Variants in BTBD7 observed in about 807,000 individuals in gnomAD.
BTBD7 encodes BTB domain containing 7, also known as BTB/POZ domain-containing protein 7.
BTBD7 carries 38 observed loss-of-function variants against 99.9 expected under a neutral mutation model. The observed-to-expected ratio is 0.38, with a 90% CI of 0.29 to 0.50. The LOEUF (loss-of-function observed/expected upper bound fraction) is 0.50. BTBD7 is among the 20% of genes least tolerant of loss of function. The probability of loss-of-function intolerance (pLI) is 0.93; values close to 1 mark genes in which losing one functional copy is unlikely to be tolerated. For missense variants in BTBD7, 1,170 were observed against 1,394.6 expected (o/e 0.84, Z 2.57); for synonymous variants, 520 against 511.4 (o/e 1.02, Z -0.23).
chr14:93,275,137 C>T (rs1163313998), intron 3 of BTBD7, among the ~76,000 whole-genome samples: 1 of 152,128 alleles, frequency 6.6e-6, no homozygotes, highest in Non-Finnish European at 1.5e-5. Flanking sequence ...GGGATAGAAC[C>T]TACATATAAC....
intron 3 of BTBD7, among the ~76,000 whole-genome samples, chr14:93,284,256 A>T (rs1343759262): frequency 6.6e-6 from 1 of 152,230 alleles, no homozygotes; most frequent in Non-Finnish European, 1.5e-5. Context: ...ACTGACAAGT[A>T]AACAGTGAGT....
At chr14:93,280,229 T>C (rs1293313395) in intron 3 of BTBD7, among the ~76,000 whole-genome samples, 1 of 152,246 alleles carries the variant, frequency 6.6e-6, no homozygotes. Context: ...CATAATTAGA[T>C]ACAAGCTCAG....
intron 1 of BTBD7, among the ~76,000 whole-genome samples, chr14:93,298,798 AAG>A (rs1248548498): frequency 1.3e-5 from 2 of 152,210 alleles, no homozygotes; most frequent in African/African-American, 2.4e-5. Flanking sequence ...GCAATTATAC[AAG>A]AGTTATATGA....
In BTBD7 at chr14:93,296,075, C is replaced by T. The variant is rs893363614; in HGVS notation, c.-24G>A. 9 of 1,610,880 alleles carry T rather than the reference C, an allele frequency of 5.6e-6. No individual in the cohort carries two copies. The highest frequency in any genetic ancestry group is 2.2e-5 in the East Asian group (1 of 44,800). On this transcript the variant is annotated 5_prime_UTR_variant, in exon 2 of 11. Coordinates refer to ENST00000334746, the MANE Select transcript of BTBD7 (RefSeq NM_001002860.4). ...ATTTTCTTCAGTCACTCAGGCATTC[C>T]GTCTGCGGGTTCTTCAGAGTATAAT...
chr14:93,331,293 A>C (rs899629996), intron 1 of BTBD7, among the ~76,000 whole-genome samples: 1 of 152,096 alleles, frequency 6.6e-6, no homozygotes, highest in Non-Finnish European at 1.5e-5. Flanking sequence ...AAATGGGGTA[A>C]TGGGGTGTAG....
In BTBD7 at chr14:93,253,801, A is replaced by ATT; in HGVS notation, c.1609-13_1609-12dup. 8.5e-6 allele frequency: 12 copies of ATT among 1,417,172 alleles called. No homozygotes were observed. Among genetic ancestry groups the ATT allele is most frequent in the Middle Eastern group, 1.9e-4 (1 of 5,350 alleles). The allele number at this position is 1,417,172 out of a possible 1,614,324, so 87.8% of individuals were successfully genotyped here. On this transcript the variant is annotated splice_polypyrimidine_tract_variant and intron_variant, in intron 6 of 10. Coordinates refer to ENST00000334746, the MANE Select transcript of BTBD7 (RefSeq NM_001002860.4). ...CAAGCCTCTTTTCATCTAAAAAAAA[A>ATT]TTTTTTTTTTAGATAGAAATCTGTG... is the stretch of plus-strand genomic sequence containing the variant.
chr14:93,329,692 A>G (rs1158437533), intron 1 of BTBD7, among the ~76,000 whole-genome samples: 1 of 152,246 alleles, frequency 6.6e-6, no homozygotes, highest in Non-Finnish European at 1.5e-5. Context: ...TAAGCCAGAT[A>G]TAGAAGGACA....
chr14:93,276,972 G>T (rs1034356589), intron 3 of BTBD7, among the ~76,000 whole-genome samples: 2 of 131,582 alleles, frequency 1.5e-5, no homozygotes, highest in African/African-American at 5.8e-5. Flanking sequence ...CATGATCTCA[G>T]CTCACTGCAA....
At chr14:93,303,254 A>C (rs2053026735) in intron 1 of BTBD7, among the ~76,000 whole-genome samples, 1 of 152,176 alleles carries the variant, frequency 6.6e-6, no homozygotes, top group Non-Finnish European at 1.5e-5. Flanking sequence ...TTTATTTCTA[A>C]AATGGGGGCA....
rs146686071 is a variant in BTBD7, at chr14:93,332,938, A to ACCG, written c.-228_-226dup. 5.7e-4 allele frequency: 416 copies of ACCG among 726,808 alleles called. No individual in the cohort carries two copies. Among genetic ancestry groups the ACCG allele is most frequent in the Non-Finnish European group, 7.8e-4 (379 of 484,602 alleles). The allele number at this position is 726,808 out of a possible 1,614,324, so 45.0% of individuals were successfully genotyped here. A position where few individuals can be genotyped will look rare whatever the true frequency, so the allele number is the denominator to read the frequency against. On this transcript the variant is annotated 5_prime_UTR_variant, in exon 1 of 11. Transcript: ENST00000334746. ...CAGCACCCCCGGCCATCCTCCTCCC[A>ACCG]CCGCCGCCGCCGCCGCCCTCTCCTC...
At chr14:93,297,552 G>C (rs1056104923) in intron 1 of BTBD7, among the ~76,000 whole-genome samples, 6 of 152,004 alleles carry the variant, frequency 3.9e-5, no homozygotes, top group Non-Finnish European at 8.8e-5. Context: ...TGAACTCCTG[G>C]CCAAGACCAG....
At chr14:93,330,520 T>C (rs986526543) in intron 1 of BTBD7, among the ~76,000 whole-genome samples, 4 of 152,216 alleles carry the variant, frequency 2.6e-5, no homozygotes, top group African/African-American at 4.8e-5. Flanking sequence ...ATTCTTTGCA[T>C]TAGTAGAACT....
At chr14:93,332,286 C>G (rs1026815380) in intron 1 of BTBD7, 4 of 152,316 alleles carry the variant, frequency 2.6e-5, no homozygotes, top group African/African-American at 7.2e-5. Flanking sequence ...CCAGGTTTAT[C>G]CCGCAATAGT....
chr14:93,259,544 A>C (rs1244720628), intron 5 of BTBD7, among the ~76,000 whole-genome samples: 1 of 152,220 alleles, frequency 6.6e-6, no homozygotes, highest in African/African-American at 2.4e-5. Flanking sequence ...TGAAAGTATC[A>C]CCAGTATTGA....
At chr14:93,280,710 A>G (rs2052708899) in intron 3 of BTBD7, among the ~76,000 whole-genome samples, 1 of 152,206 alleles carries the variant, frequency 6.6e-6, no homozygotes, top group African/African-American at 2.4e-5. Context: ...TTTACAATAG[A>G]GACCAAATAT....
intron 3 of BTBD7, among the ~76,000 whole-genome samples, chr14:93,273,876 G>A (rs866529651): frequency 1.1e-4 from 16 of 151,884 alleles, no homozygotes; most frequent in Non-Finnish European, 1.8e-4. Flanking sequence ...CTGGCTATAT[G>A]CACTGGCAGG....
At chr14:93,310,810 T>C (rs1595336067) in intron 1 of BTBD7, among the ~76,000 whole-genome samples, 1 of 129,716 alleles carries the variant, frequency 7.7e-6, no homozygotes, top group Middle Eastern at 4.7e-3. Context: ...GCTTCACAGG[T>C]GGCAGGTAGT....
intron 1 of BTBD7, among the ~76,000 whole-genome samples, chr14:93,331,498 C>T (rs1020984482): frequency 9.9e-5 from 15 of 152,196 alleles, no homozygotes; most frequent in Non-Finnish European, 1.5e-5. Context: ...TCTTGCAAAG[C>T]AATTTCAAGT....
At chr14:93,287,329 C>A (rs1163669829) in intron 3 of BTBD7, among the ~76,000 whole-genome samples, 2 of 135,106 alleles carry the variant, frequency 1.5e-5, no homozygotes, top group African/African-American at 5.4e-5. Flanking sequence ...CCCGCCCCCC[C>A]ACCCCGTCCT....
Sources: allele counts gnomAD v4.1 joint callset (sites outside exome capture counted in the v4.1 genomes callset), GRCh38; gene constraint gnomAD v4.1.1; transcripts MANE v1.5; gene names NCBI Gene and HGNC (gene_info 2026-07-23, HGNC 2026-07-21).